The following AUTS2 variants were observed in gnomAD, a reference collection of about 807,000 sequenced individuals.
AUTS2 encodes activator of transcription and developmental regulator AUTS2.
Under a neutral mutation model 112.4 loss-of-function variants are expected in AUTS2, and 17 were observed. That is an observed-to-expected ratio of 0.15 (90% CI 0.10 to 0.23). AUTS2 has a LOEUF of 0.23. Among genes scored for constraint, AUTS2 ranks in the 10% least tolerant of loss-of-function variants. The probability of loss-of-function intolerance (pLI) is 1.00; values close to 1 mark genes in which losing one functional copy is unlikely to be tolerated. For missense variants in AUTS2, 1,510 were observed against 1,701.6 expected, an observed-to-expected ratio of 0.89 and a Z score of 1.98; for synonymous variants, 751 against 702.7, an observed-to-expected ratio of 1.07 and a Z score of -1.09.
At chr7:70,398,980 CTT>C (rs1184257368) in intron 4 of AUTS2, among the ~76,000 whole-genome samples, 4 of 130,616 alleles carry the variant, frequency 3.1e-5, no homozygotes, top group Admixed American at 7.7e-5. Flanking sequence ...TATGGTCTTT[CTT>C]TTTTTTTTTT....
At chr7:70,746,169 CAG>C (rs1216570979) in intron 6 of AUTS2, among the ~76,000 whole-genome samples, 1 of 152,088 alleles carries the variant, frequency 6.6e-6, no homozygotes, top group African/African-American at 2.4e-5. Flanking sequence ...TATTTTGAGA[CAG>C]AGTCTCACTC....
intron 5 of AUTS2, among the ~76,000 whole-genome samples, chr7:70,445,782 T>C (rs1163681630): frequency 6.6e-6 from 1 of 152,232 alleles, no homozygotes; most frequent in Non-Finnish European, 1.5e-5. Context: ...TATTAAATCA[T>C]AGACTCCCTG....
intron 2 of AUTS2, among the ~76,000 whole-genome samples, chr7:69,939,198 A>G (rs961243029): frequency 4.6e-5 from 7 of 152,320 alleles, no homozygotes; most frequent in African/African-American, 9.6e-5. Flanking sequence ...AGAGGGCTCA[A>G]CATGTGAACA....
intron 1 of AUTS2, among the ~76,000 whole-genome samples, chr7:69,832,993 G>C (rs993588994): frequency 1.3e-5 from 2 of 152,110 alleles, no homozygotes; most frequent in African/African-American, 4.8e-5. Context: ...TTCCCTCCTT[G>C]ATGTCCACAA....
At chr7:70,045,868 C>T (rs1166434520) in intron 2 of AUTS2, among the ~76,000 whole-genome samples, 4 of 150,492 alleles carry the variant, frequency 2.7e-5, no homozygotes, top group Non-Finnish European at 4.4e-5. Context: ...CCTCATGATC[C>T]GCCTGCCTCG....
chr7:70,320,094 G>A (rs1196454479), intron 4 of AUTS2, among the ~76,000 whole-genome samples: 1 of 152,184 alleles, frequency 6.6e-6, no homozygotes, highest in Admixed American at 6.5e-5. Flanking sequence ...AGTTTGGGAT[G>A]CAGACTTTTT....
At chr7:70,760,534 G>T (rs562267552) in intron 6 of AUTS2, among the ~76,000 whole-genome samples, 1 of 152,332 alleles carries the variant, frequency 6.6e-6, no homozygotes, top group South Asian at 2.1e-4. Flanking sequence ...CAATGCCTTT[G>T]ATAATAGCTT....
intron 4 of AUTS2, among the ~76,000 whole-genome samples, chr7:70,362,893 G>A (rs574690505): frequency 3.3e-5 from 5 of 152,348 alleles, no homozygotes; most frequent in Non-Finnish European, 5.9e-5. Flanking sequence ...GGTGTCCACA[G>A]TAAGCGGGAG....
At chr7:70,070,122 G>A (rs1041066717) in intron 2 of AUTS2, among the ~76,000 whole-genome samples, 9 of 152,120 alleles carry the variant, frequency 5.9e-5, no homozygotes, top group Non-Finnish European at 2.9e-5. Flanking sequence ...GTTAGGTTTC[G>A]TTTCATGTTT....
chr7:69,649,960 C>G (rs1188145719), intron 1 of AUTS2, among the ~76,000 whole-genome samples: 3 of 152,156 alleles, frequency 2.0e-5, no homozygotes, highest in Non-Finnish European at 2.9e-5. Context: ...TTTCTCTGCC[C>G]TTTTCCTTCC....
chr7:70,438,697 C>T (rs1379268821), intron 5 of AUTS2, among the ~76,000 whole-genome samples: 1 of 152,210 alleles, frequency 6.6e-6, no homozygotes, highest in Non-Finnish European at 1.5e-5. Flanking sequence ...CTGTCAGCCT[C>T]CTCTGTGAAG....
intron 2 of AUTS2, among the ~76,000 whole-genome samples, chr7:69,981,021 T>G (rs766971188): frequency 1.6e-4 from 24 of 152,218 alleles, no homozygotes; most frequent in Non-Finnish European, 1.9e-4. Flanking sequence ...TTTCCCAGTC[T>G]TTCTATAGTC....
At chr7:70,602,426 T>G (rs1252022496) in intron 5 of AUTS2, among the ~76,000 whole-genome samples, 1 of 152,182 alleles carries the variant, frequency 6.6e-6, no homozygotes, top group Non-Finnish European at 1.5e-5. Context: ...TGCTAAGGAT[T>G]AATGATGGGA....
chr7:70,668,552 G>A lies in AUTS2; in HGVS notation c.691-30017G>A, dbSNP rs924256250. On this transcript the variant is annotated intron_variant, in intron 5 of 18. Transcript: ENST00000342771. Reference sequence around the variant, plus strand: ...TCTCAGGCCTCTCCTACTGGACCTCGTTTGTCATGTGTGATTGCGAACACC... The same window carrying A: ...TCTCAGGCCTCTCCTACTGGACCTCATTTGTCATGTGTGATTGCGAACACC... 4.6e-5 allele frequency among the ~76,000 whole-genome samples: 7 copies of A among 152,292 alleles called. No individual in the cohort carries two copies. The South Asian group carries it at 6.2e-4, about 14-fold the overall frequency.
chr7:69,886,582 G>A (rs560846744), intron 1 of AUTS2, among the ~76,000 whole-genome samples: 1 of 152,138 alleles, frequency 6.6e-6, no homozygotes, highest in African/African-American at 2.4e-5. Context: ...TGTCTGCTGA[G>A]TGGACAGAAT....
intron 1 of AUTS2, among the ~76,000 whole-genome samples, chr7:69,895,731 GA>G (rs1209006264): frequency 6.6e-6 from 1 of 152,146 alleles, no homozygotes; most frequent in Non-Finnish European, 1.5e-5. Flanking sequence ...AATGGATTTG[GA>G]AAAAATTATA....
intron 1 of AUTS2, among the ~76,000 whole-genome samples, chr7:69,893,299 C>T (rs1292929017): frequency 6.6e-6 from 1 of 152,138 alleles, no homozygotes; most frequent in Non-Finnish European, 1.5e-5. Flanking sequence ...GCTCAAAAGT[C>T]CAAAGTTGGG....
At chr7:69,694,203 T>C (rs1797460642) in intron 1 of AUTS2, among the ~76,000 whole-genome samples, 2 of 152,220 alleles carry the variant, frequency 1.3e-5, no homozygotes. Context: ...TTTTGAAATT[T>C]GAGTATTCAT....
chr7:70,443,019 C>T lies in AUTS2; in HGVS notation c.690+7238C>T, dbSNP rs2130952786. 1.3e-5 allele frequency among the ~76,000 whole-genome samples: 2 copies of T among 152,246 alleles called. 1 individual carries two copies. The highest frequency in any genetic ancestry group is 3.9e-4 in the East Asian group (2 of 5,172). On this transcript the variant is annotated intron_variant, in intron 5 of 18. Coordinates refer to ENST00000342771, the MANE Select transcript of AUTS2 (RefSeq NM_015570.4). The stretch of plus-strand genomic sequence containing the variant: ...AAATTCAGAATCTCATTATCTTTTT[C>T]ATATGATAACATTTTCAGGCAAAAC...
Sources: gnomAD v4.1 joint callset for allele counts (sites outside exome capture counted in the v4.1 genomes callset) on GRCh38, gnomAD v4.1.1 for gene constraint, MANE v1.5 for transcripts, NCBI Gene and HGNC (gene_info 2026-07-23, HGNC 2026-07-21) for gene names.